The following SLC44A5 variants were observed in gnomAD, a reference collection of about 807,000 sequenced individuals.
SLC44A5 encodes solute carrier family 44 member 5.
Under a neutral mutation model 101.8 loss-of-function variants are expected in SLC44A5, and 57 were observed. The observed-to-expected ratio is 0.56, with a 90% CI of 0.45 to 0.70. The LOEUF (loss-of-function observed/expected upper bound fraction) is 0.70. SLC44A5 is among the 30% of genes least tolerant of loss of function. SLC44A5 has a pLI of 0.00. For missense variants in SLC44A5, 737 were observed against 853.1 expected (o/e 0.86, Z 1.70); for synonymous variants, 281 against 290.9 (o/e 0.97, Z 0.35).
At chr1:75,281,758 C>A (rs908417056) in intron 5 of SLC44A5, among the ~76,000 whole-genome samples, 2 of 151,342 alleles carry the variant, frequency 1.3e-5, no homozygotes, top group Non-Finnish European at 2.9e-5. Context: ...GTGAAAGTCC[C>A]GAGCCTTGGC....
intron 23 of SLC44A5, among the ~76,000 whole-genome samples, chr1:75,208,419 A>G (rs1272925268): frequency 6.6e-6 from 1 of 152,158 alleles, no homozygotes; most frequent in African/African-American, 2.4e-5. Context: ...TCGGCCTCCC[A>G]AAGTGTTGGG....
At chr1:75,282,393 T>C (rs1312704018) in intron 5 of SLC44A5, among the ~76,000 whole-genome samples, 1 of 152,204 alleles carries the variant, frequency 6.6e-6, no homozygotes, top group Non-Finnish European at 1.5e-5. Context: ...CAGAAGGAAC[T>C]TGCCTTGTCT....
chr1:75,387,996 G>A (rs1167139152), intron 3 of SLC44A5, among the ~76,000 whole-genome samples: 1 of 146,182 alleles, frequency 6.8e-6, no homozygotes, highest in South Asian at 2.2e-4. Flanking sequence ...TCACTCATAG[G>A]TGGGAATTGA....
At chr1:75,526,418 G>T (rs1412733359) in intron 2 of SLC44A5, among the ~76,000 whole-genome samples, 1 of 152,204 alleles carries the variant, frequency 6.6e-6, no homozygotes, top group Non-Finnish European at 1.5e-5. Flanking sequence ...GGAAAAGGCC[G>T]GTTCCAGGCC....
At chr1:75,598,478 T>C (rs1416733483) in intron 1 of SLC44A5, among the ~76,000 whole-genome samples, 2 of 152,220 alleles carry the variant, frequency 1.3e-5, no homozygotes, top group Non-Finnish European at 2.9e-5. Flanking sequence ...TGTACACGTA[T>C]GTTCACTGCA....
the SLC44A5 span, among the ~76,000 whole-genome samples, chr1:75,678,357 T>A: frequency 6.6e-6 from 1 of 152,126 alleles, no homozygotes; most frequent in Admixed American, 6.5e-5. Context: ...GACTTAAATG[T>A]CCCTGTCTGA....
At chr1:75,219,068 T>G (rs1327861620) in intron 16 of SLC44A5, among the ~76,000 whole-genome samples, 189 bp downstream of exon 16, 1 of 152,104 alleles carries the variant, frequency 6.6e-6, no homozygotes, top group Non-Finnish European at 1.5e-5. Flanking sequence ...TACAGTGCTT[T>G]CTCTCCATTC....
At chr1:75,580,776 C>T (rs1673642620) in intron 1 of SLC44A5, among the ~76,000 whole-genome samples, 1 of 149,424 alleles carries the variant, frequency 6.7e-6, no homozygotes, top group African/African-American at 2.5e-5. Context: ...AGGCAGAGGT[C>T]GCAGTGAGCT....
At chr1:75,554,549 A>T (rs189043989) in intron 1 of SLC44A5, among the ~76,000 whole-genome samples, 1 of 152,154 alleles carries the variant, frequency 6.6e-6, no homozygotes, top group East Asian at 1.9e-4. Flanking sequence ...AACAATACAT[A>T]TGACACAGAT....
intron 12 of SLC44A5, among the ~76,000 whole-genome samples, chr1:75,231,686 T>C (rs544968280): frequency 6.6e-6 from 1 of 152,330 alleles, no homozygotes; most frequent in Non-Finnish European, 1.5e-5. Flanking sequence ...TAGTCACATA[T>C]TCCTGTTATA....
At chr1:75,678,747 A>G in the SLC44A5 span, among the ~76,000 whole-genome samples, 77 of 152,190 alleles carry the variant, frequency 5.1e-4, no homozygotes, top group Middle Eastern at 0.01. Flanking sequence ...CAGCAATGGA[A>G]CAAAGCTGCA....
At chr1:75,695,676 T>C in the SLC44A5 span, among the ~76,000 whole-genome samples, 1 of 149,032 alleles carries the variant, frequency 6.7e-6, no homozygotes, top group African/African-American at 2.4e-5. Flanking sequence ...TTATGAATAC[T>C]ATTTAATATA....
chr1:75,413,439 G>C (rs886982976), intron 2 of SLC44A5, among the ~76,000 whole-genome samples: 2 of 152,052 alleles, frequency 1.3e-5, no homozygotes, highest in African/African-American at 2.4e-5. Flanking sequence ...AGAAACTTTT[G>C]CTAGTATCCT....
intron 1 of SLC44A5, among the ~76,000 whole-genome samples, chr1:75,610,426 T>A (rs1371018032): frequency 2.0e-5 from 3 of 152,096 alleles, no homozygotes; most frequent in Non-Finnish European, 2.9e-5. Context: ...GGCTGAAATG[T>A]TAATAATATC....
intron 3 of SLC44A5, among the ~76,000 whole-genome samples, chr1:75,383,885 G>C (rs1246217343): frequency 1.3e-5 from 2 of 152,128 alleles, no homozygotes; most frequent in Non-Finnish European, 2.9e-5. Flanking sequence ...AGCCAGGAGA[G>C]AGTGGGGGCC....
chr1:75,337,990 C>G (rs566578333), intron 4 of SLC44A5, among the ~76,000 whole-genome samples: 120 of 152,322 alleles, frequency 7.9e-4, no homozygotes, highest in African/African-American at 2.7e-3. Context: ...TTCTTATTTG[C>G]TCCTTAAACA....
At chr1:75,576,460 C>T (rs1219118200) in intron 1 of SLC44A5, among the ~76,000 whole-genome samples, 8 of 150,126 alleles carry the variant, frequency 5.3e-5, no homozygotes, top group Admixed American at 1.3e-4. Context: ...ACTACAGGCG[C>T]CCGCCACCAC....
intron 1 of SLC44A5, among the ~76,000 whole-genome samples, chr1:75,600,752 G>T (rs532190637): frequency 6.6e-6 from 1 of 152,166 alleles, no homozygotes; most frequent in African/African-American, 2.4e-5. Context: ...TAATACAGTG[G>T]TGTTCTGTGC....
At chr1:75,267,768 A>C (rs1224591865) in intron 6 of SLC44A5, among the ~76,000 whole-genome samples, 1 of 151,898 alleles carries the variant, frequency 6.6e-6, no homozygotes, top group Non-Finnish European at 1.5e-5. Context: ...ACAGGCTTTC[A>C]CCATGTTGCC....
Sources: gnomAD v4.1 joint callset for allele counts (sites outside exome capture counted in the v4.1 genomes callset) on GRCh38, gnomAD v4.1.1 for gene constraint, MANE v1.5 for transcripts, NCBI Gene and HGNC (gene_info 2026-07-23, HGNC 2026-07-21) for gene names.